GALNT10: variants seen among roughly 807,000 people sequenced by gnomAD.
GALNT10 encodes polypeptide N-acetylgalactosaminyltransferase 10, also known as GalNAc transferase 10.
A neutral mutation model predicts 75.0 loss-of-function variants in GALNT10; 41 were observed. The ratio of observed to expected loss-of-function variants is 0.55; its 90% CI spans 0.43 to 0.71. The LOEUF (loss-of-function observed/expected upper bound fraction) is 0.71. Among genes scored for constraint, GALNT10 ranks in the 30% least tolerant of loss-of-function variants. The probability of loss-of-function intolerance (pLI) is 0.00; values close to 1 mark genes in which losing one functional copy is unlikely to be tolerated. For missense variants in GALNT10, 727 were observed against 818.5 expected (o/e 0.89, Z 1.36); for synonymous variants, 302 against 313.0 (o/e 0.96, Z 0.37).
At chr5:154,325,343 A>C (rs1754740640) in intron 3 of GALNT10, among the ~76,000 whole-genome samples, 1 of 152,214 alleles carries the variant, frequency 6.6e-6, no homozygotes, top group African/African-American at 2.4e-5. Flanking sequence ...GAAAAAAGCA[A>C]ATAAGTAGCT....
intron 1 of GALNT10, among the ~76,000 whole-genome samples, chr5:154,225,427 G>A (rs181748556): frequency 0.019 from 2,822 of 148,152 alleles, 77 homozygotes; most frequent in African/African-American, 0.066. Flanking sequence ...GTCTCACTCT[G>A]TCGCCCAGGC....
chr5:154,273,850 A>G (rs1285235465), intron 1 of GALNT10, among the ~76,000 whole-genome samples: 1 of 152,260 alleles, frequency 6.6e-6, no homozygotes, highest in South Asian at 2.1e-4. Context: ...CACTTTTCAC[A>G]TAATCTTATT....
chr5:154,342,147 T>C (rs1755041273), intron 4 of GALNT10, among the ~76,000 whole-genome samples: 1 of 152,184 alleles, frequency 6.6e-6, no homozygotes, highest in Admixed American at 6.5e-5. Flanking sequence ...TTACCTGAAA[T>C]GCTGCGCTAC....
chr5:154,242,128 C>T (rs73802963), intron 1 of GALNT10, among the ~76,000 whole-genome samples: 1 of 152,296 alleles, frequency 6.6e-6, no homozygotes, highest in East Asian at 1.9e-4. Flanking sequence ...TCTCAGGGAA[C>T]TTTTAAGGGA....
At chr5:154,286,097 C>T (rs1561650346) in intron 1 of GALNT10, among the ~76,000 whole-genome samples, 1 of 152,186 alleles carries the variant, frequency 6.6e-6, no homozygotes, top group African/African-American at 2.4e-5. Context: ...GTACCATGTA[C>T]CCCTCTTTTA....
intron 1 of GALNT10, among the ~76,000 whole-genome samples, chr5:154,211,657 T>G (rs967886351): frequency 6.6e-6 from 1 of 152,208 alleles, no homozygotes; most frequent in Non-Finnish European, 1.5e-5. Context: ...GGTGGTACAG[T>G]GTCTCTCATG....
At chr5:154,327,785 G>C (rs1045454885) in intron 3 of GALNT10, among the ~76,000 whole-genome samples, 2 of 152,170 alleles carry the variant, frequency 1.3e-5, no homozygotes, top group Admixed American at 1.3e-4. Flanking sequence ...GAATGTAATC[G>C]TTTTTCAAAC....
chr5:154,320,176 G>A (rs1359140900), intron 3 of GALNT10, among the ~76,000 whole-genome samples: 1 of 152,184 alleles, frequency 6.6e-6, no homozygotes, highest in African/African-American at 2.4e-5. Context: ...ATAGAGGAGG[G>A]AGAGAAAGAG....
chr5:154,293,609 A>ATTTTTTTTTTTTTT (rs1466080479), intron 1 of GALNT10, among the ~76,000 whole-genome samples: 3 of 122,706 alleles, frequency 2.4e-5, no homozygotes, highest in African/African-American at 6.7e-5. Context: ...ATATATATAT[A>ATTTTTTTTTTTTTT]TATATTTTTT....
chr5:154,227,656 T>C (rs1581928586), intron 1 of GALNT10, among the ~76,000 whole-genome samples: 1 of 152,232 alleles, frequency 6.6e-6, no homozygotes, highest in Non-Finnish European at 1.5e-5. Context: ...TTGTAACTTT[T>C]GATGCAGTTT....
chr5:154,215,865 G>A (rs1258697298), intron 1 of GALNT10, among the ~76,000 whole-genome samples: 3 of 152,172 alleles, frequency 2.0e-5, no homozygotes, highest in African/African-American at 7.2e-5. Context: ...GCAGAAGGAG[G>A]ACTTGGCAGG....
intron 1 of GALNT10, among the ~76,000 whole-genome samples, chr5:154,236,669 C>T (rs968567044): frequency 3.3e-4 from 50 of 152,214 alleles, no homozygotes; most frequent in African/African-American, 1.2e-3. Flanking sequence ...TGGCATTTTG[C>T]AAACTGCCAT....
intron 1 of GALNT10, among the ~76,000 whole-genome samples, chr5:154,210,588 GTC>G (rs1245423110): frequency 6.6e-6 from 1 of 152,170 alleles, no homozygotes. Flanking sequence ...TGATTAACAT[GTC>G]TCTCTATTAA....
At chr5:154,393,920 A>G (rs1755960100) in intron 7 of GALNT10, among the ~76,000 whole-genome samples, 1 of 152,194 alleles carries the variant, frequency 6.6e-6, no homozygotes, top group Admixed American at 6.5e-5. Context: ...ACATTCCAGC[A>G]CATTGTTGGG....
intron 1 of GALNT10, among the ~76,000 whole-genome samples, chr5:154,219,838 T>TCTCTCTCTCACACA (rs1491445463): frequency 7.2e-5 from 9 of 125,556 alleles, no homozygotes; most frequent in African/African-American, 2.6e-4. Flanking sequence ...TCTCTCTCTC[T>TCTCTCTCTCACACA]CACACACACA....
chr5:154,380,517 G>T lies in GALNT10; in HGVS notation c.824G>T (p.Arg275Leu). ...GATGTAATTGACCATGACGACTTTC[G>T]GTACGAGACACAGGCAGGGGATGCC... ...MIDVIDHDDFRYETQAGDAMR... is the reference protein window; with the variant it reads ...MIDVIDHDDFLYETQAGDAMR... Residue 275 changes from arginine to leucine, a missense_variant, in exon 6 of 12, where the codon CGG (arginine) becomes CTG (leucine). Physicochemically the swap from Arg to Leu is moderately radical, Grantham distance 102. Transcript: ENST00000297107. 1.2e-6 allele frequency: 2 copies of T among 1,613,876 alleles called. No homozygotes were observed. The highest frequency in any genetic ancestry group is 1.1e-5 in the South Asian group (1 of 91,066).
At chr5:154,306,149 A>T (rs905919413) in intron 3 of GALNT10, among the ~76,000 whole-genome samples, 1 of 152,140 alleles carries the variant, frequency 6.6e-6, no homozygotes, top group African/African-American at 2.4e-5. Flanking sequence ...GATATAGTAG[A>T]CTCTCACAGC....
chr5:154,356,082 T>G (rs1342984115), intron 4 of GALNT10: 3 of 455,098 alleles, frequency 6.6e-6, no homozygotes, highest in African/African-American at 2.0e-5. Context: ...AATTCTCAAA[T>G]TGAATTCATT....
chr5:154,357,136 T>C (rs998562712), intron 4 of GALNT10, among the ~76,000 whole-genome samples: 5 of 152,230 alleles, frequency 3.3e-5, no homozygotes, highest in African/African-American at 1.2e-4. Flanking sequence ...GCTCAGCCCA[T>C]CCCAGAAAAA....
Sources: gnomAD v4.1 joint callset for allele counts (sites outside exome capture counted in the v4.1 genomes callset) on GRCh38, gnomAD v4.1.1 for gene constraint, MANE v1.5 for transcripts, NCBI Gene and HGNC (gene_info 2026-07-23, HGNC 2026-07-21) for gene names.